Variants in SLC38A10 observed in about 807,000 individuals in gnomAD.
SLC38A10 encodes the protein Sodium-coupled neutral amino acid transporter 10.
Under a neutral mutation model 81.0 loss-of-function variants are expected in SLC38A10, and 53 were observed. The ratio of observed to expected loss-of-function variants is 0.65; its 90% CI spans 0.53 to 0.82. The LOEUF (loss-of-function observed/expected upper bound fraction) is 0.82, where lower values mean the gene tolerates loss of function less well. Among genes scored for constraint, SLC38A10 ranks in the 40% least tolerant of loss-of-function variants. The pLI is 0.00. For synonymous variants in SLC38A10, 665 were observed against 655.3 expected, an observed-to-expected ratio of 1.01 and a Z score of -0.23; for missense variants, 1,471 against 1,545.0, an observed-to-expected ratio of 0.95 and a Z score of 0.80.
chr17:81,294,510 G>C (rs2063332865), intron 1 of SLC38A10, among the ~76,000 whole-genome samples: 1 of 152,224 alleles, frequency 6.6e-6, no homozygotes, highest in Non-Finnish European at 1.5e-5. Flanking sequence ...TAAAAATACG[G>C]AGTCCCACCG....
chr17:81,277,158 A>C lies in SLC38A10; in HGVS notation c.627-25T>G, dbSNP rs779590773. 9.3e-6 allele frequency: 15 copies of C among 1,609,444 alleles called. No individual in the cohort carries two copies. The Admixed American group carries it at 2.5e-4, about 27-fold the overall frequency. On this transcript the variant is annotated intron_variant, in intron 6 of 15. Transcript: ENST00000374759. This position sits in a 1 kb window ranked among gnomAD's most constrained non-coding sequence, Gnocchi z 4.5. The stretch of plus-strand genomic sequence containing the variant: ...GCTGTATAGAAACAGGCCATTTCAC[A>C]GCGGACCTGAGAGAGGCACGCCCTC...
intron 1 of SLC38A10, among the ~76,000 whole-genome samples, chr17:81,293,446 G>A (rs897608982): frequency 7.2e-5 from 11 of 152,200 alleles, no homozygotes; most frequent in African/African-American, 2.7e-4. Flanking sequence ...CTGCACGGGA[G>A]GGTTTGAAAA....
chr17:81,251,045 C>A, intron 14 of SLC38A10: 4 of 1,436,754 alleles, frequency 2.8e-6, no homozygotes, highest in African/African-American at 2.9e-5. Flanking sequence ...GGCACAGCCA[C>A]CCCCAAACTG....
At chr17:81,252,116 A>G in intron 13 of SLC38A10, 79 bp downstream of exon 13, 2 of 1,477,892 alleles carry the variant, frequency 1.4e-6, no homozygotes, top group Non-Finnish European at 1.8e-6. Flanking sequence ...GGGAGGAACC[A>G]TCGATTCTGC....
At chr17:81,285,647 AC>A (rs946885189) in intron 2 of SLC38A10, 1 of 152,022 alleles carries the variant, frequency 6.6e-6, no homozygotes, top group African/African-American at 2.4e-5. Flanking sequence ...CGCTTCCCCC[AC>A]GGCCCAGCCG....
Position 81,283,441 on chromosome 17 carries a change from A to AC in SLC38A10, c.324dup (p.Ser109ValfsTer112). 6.2e-7 allele frequency: 1 copy of AC among 1,612,154 alleles called. No individual in the cohort carries two copies. On this transcript the variant is annotated frameshift_variant, in exon 4 of 16. Transcript: ENST00000374759. LOFTEE classifies it high-confidence loss of function. The surrounding 1 kb of genome is among the most constrained non-coding windows in gnomAD (Gnocchi z 4.7). The stretch of plus-strand genomic sequence containing the variant: ...CCGAACAGCCGGGCAAAGAAGTTGG[A>AC]CCCCAAGTCGCCGATCACGACGTAG...
At position 81,260,439 on chromosome 17, in the gene SLC38A10, C is replaced by T. The variant is rs751786608; in HGVS notation, c.1132-45G>A. On this transcript the variant is annotated intron_variant, in intron 10 of 15. Coordinates refer to ENST00000374759, the MANE Select transcript of SLC38A10 (RefSeq NM_001037984.3). Reference sequence around the variant, plus strand: ...AGGGGCGGGAGTCACAGCTGGCCCCCGCCCCTGCCCAGGGTATAAAACTGG... The same window carrying T: ...AGGGGCGGGAGTCACAGCTGGCCCCTGCCCCTGCCCAGGGTATAAAACTGG... The T allele has an allele frequency of 1.0e-5, 16 of 1,570,620 alleles. 1 individual carries two copies. Among genetic ancestry groups the T allele is most frequent in the South Asian group, 9.2e-5 (8 of 87,100 alleles).
At chr17:81,287,367 C>T (rs1163359833) in intron 2 of SLC38A10, among the ~76,000 whole-genome samples, 1 of 152,238 alleles carries the variant, frequency 6.6e-6, no homozygotes, top group Non-Finnish European at 1.5e-5. Flanking sequence ...CTCCTGAAGA[C>T]TGCAGTGTGG....
intron 14 of SLC38A10, chr17:81,247,565 C>A (rs976160213): frequency 1.3e-5 from 2 of 152,368 alleles, no homozygotes; most frequent in Non-Finnish European, 2.9e-5. Context: ...GCGGCTCACG[C>A]CTGTAATCCC....
In SLC38A10 at chr17:81,245,274, C is replaced by T. The variant is rs778711010; in HGVS notation, c.*282G>A. 1.3e-5 allele frequency: 5 copies of T among 381,740 alleles called. No individual in the cohort carries two copies. The South Asian group carries it at 1.9e-4, about 15-fold the overall frequency. 23.6% of individuals were successfully genotyped at this position (381,740 alleles called of 1,614,324 possible). A position where few individuals can be genotyped will look rare whatever the true frequency, so the allele number is the denominator to read the frequency against. On this transcript the variant is annotated 3_prime_UTR_variant, in exon 16 of 16. Transcript: ENST00000374759. ...GAGCCTGGGAGTGCACCAGCCAGCT[C>T]GCAGCGGAGGCCGTTTCTCCTCACA...
In SLC38A10 at chr17:81,247,052, C is replaced by A; in HGVS notation, c.2075G>T (p.Arg692Met). The part of the protein sequence containing the change: ...QAASQLEEAG[R>M]AEMLDHAVLL... ...GACGGCGTGGTCCAGCATCTCCGCC[C>A]TGCCAGCTTCTGGGTTTGGAAAGCA... The change falls in exon 15 of 16, where the codon AGG becomes ATG. Residue 692 changes from arginine to methionine, a missense_variant. Physicochemically the swap from Arg to Met is moderately conservative, Grantham distance 91 (BLOSUM62 -1). This residue lies in a region of SLC38A10 where 751 missense variants were observed against 717.4 expected (regional missense o/e 1.05). Coordinates refer to ENST00000374759, the MANE Select transcript of SLC38A10 (RefSeq NM_001037984.3). The A allele has an allele frequency of 6.3e-7, 1 of 1,583,750 alleles. No individual in the cohort carries two copies. The highest frequency in any genetic ancestry group is 8.6e-7 in the Non-Finnish European group (1 of 1,167,022).
Position 81,266,341 on chromosome 17 carries a change from C to T in SLC38A10, c.1131+4577G>A, listed in dbSNP as rs903303753. ...CACTTAGAAAATCCAGGGGGAGGGC[C>T]GGACGCGGTGGCTCACGCCTGTAAT... On this transcript the variant is annotated intron_variant, in intron 10 of 15. Coordinates refer to ENST00000374759, the MANE Select transcript of SLC38A10 (RefSeq NM_001037984.3). Among the ~76,000 whole-genome samples the T allele has an allele frequency of 6.6e-5, 10 of 152,276 alleles. No individual in the cohort carries two copies. The South Asian group carries it at 1.0e-3, about 16-fold the overall frequency.
chr17:81,289,790 C>T lies in SLC38A10; in HGVS notation c.118G>A (p.Ala40Thr). The T allele has an allele frequency of 6.2e-7, 1 of 1,603,342 alleles. No homozygotes were observed. The highest frequency in any genetic ancestry group is 8.5e-7 in the Non-Finnish European group (1 of 1,176,210). Residue 40 changes from alanine to threonine, a missense_variant, in exon 2 of 16, where the codon GCG becomes ACG. Transcript: ENST00000374759. This position sits in a 1 kb window ranked among gnomAD's most constrained non-coding sequence, Gnocchi z 5.9. Reference sequence around the variant, plus strand: ...CATGAGCAGAAGACCAAGAGCAGCGCCCCCAGGACGATGCCGCACTGCAGG... The same window carrying T: ...CATGAGCAGAAGACCAAGAGCAGCGTCCCCAGGACGATGCCGCACTGCAGG... ...CFKQCGIVLG[A>T]LLLVFCSWMT...
chr17:81,274,866 G>A (rs1274672472), intron 8 of SLC38A10, among the ~76,000 whole-genome samples: 1 of 152,150 alleles, frequency 6.6e-6, no homozygotes, highest in Non-Finnish European at 1.5e-5. Context: ...TAGCTGCCTG[G>A]CCTACATGTG....
chr17:81,272,387 A>T (rs2063124354), intron 9 of SLC38A10, 129 bp downstream of exon 9: 1 of 505,526 alleles, frequency 2.0e-6, no homozygotes, highest in Admixed American at 4.3e-5. Context: ...AAAACTGACA[A>T]AGTCTCTAGA....
chr17:81,275,163 C>T (rs1219929321), intron 8 of SLC38A10, among the ~76,000 whole-genome samples: 1 of 152,186 alleles, frequency 6.6e-6, no homozygotes, highest in Non-Finnish European at 1.5e-5. Flanking sequence ...CCACCTCGCC[C>T]TCCCAAAGTG....
chr17:81,276,646 T>A lies in SLC38A10; in HGVS notation c.729+385A>T, dbSNP rs2063165204. ...ACCTCATGATCTGCCCACCTCGGTC[T>A]CCCAAAGTGCTGGGATTACAGGTGT... On this transcript the variant is annotated intron_variant, in intron 7 of 15. Coordinates refer to ENST00000374759, the MANE Select transcript of SLC38A10 (RefSeq NM_001037984.3). This position sits in a 1 kb window ranked among gnomAD's most constrained non-coding sequence, Gnocchi z 4.7. Among the ~76,000 whole-genome samples the A allele has an allele frequency of 6.6e-6, 1 of 152,130 alleles. No individual in the cohort carries two copies. Among genetic ancestry groups the A allele is most frequent in the Non-Finnish European group, 1.5e-5 (1 of 68,048 alleles).
Position 81,245,467 on chromosome 17 carries a change from C to T in SLC38A10, c.*89G>A. The T allele has an allele frequency of 6.8e-7, 1 of 1,475,234 alleles. No homozygotes were observed. Among genetic ancestry groups the T allele is most frequent in the East Asian group, 2.3e-5 (1 of 43,038 alleles). 91.4% of individuals were successfully genotyped at this position (1,475,234 alleles called of 1,614,324 possible). A position where few individuals can be genotyped will look rare whatever the true frequency, so the allele number is the denominator to read the frequency against. The stretch of plus-strand genomic sequence containing the variant: ...AACCCTGGGGAGAGGCGAGTGTGAC[C>T]TCCAGAGTTTGGCTGGGATGCGGCT... On this transcript the variant is annotated 3_prime_UTR_variant, in exon 16 of 16. Coordinates refer to ENST00000374759, the MANE Select transcript of SLC38A10 (RefSeq NM_001037984.3).
chr17:81,292,349 A>G (rs1406868920), intron 1 of SLC38A10, among the ~76,000 whole-genome samples: 3 of 148,898 alleles, frequency 2.0e-5, no homozygotes, highest in Non-Finnish European at 4.5e-5. Flanking sequence ...CTGGTCTTGA[A>G]CTCCTGACCT....
Sources: gnomAD v4.1 joint callset for allele counts (sites outside exome capture counted in the v4.1 genomes callset) on GRCh38, gnomAD v4.1.1 for gene constraint, gnomAD v4.1.1 regional missense constraint, Gnocchi (gnomAD v3.1) non-coding constraint, MANE v1.5 for transcripts, NCBI Gene and HGNC (gene_info 2026-07-23, HGNC 2026-07-21) for gene names.